The following ALPK2 variants were observed in gnomAD, a reference collection of about 807,000 sequenced individuals.
ALPK2 encodes the protein alpha-protein kinase 2.
In ALPK2, 127 loss-of-function variants were observed where a neutral mutation model predicts 163.1. The ratio of observed to expected loss-of-function variants is 0.78; its 90% CI spans 0.67 to 0.90. The LOEUF is 0.90. Ranked by LOEUF, ALPK2 falls within the 40% of genes least tolerant of loss-of-function variation. The pLI, the probability that ALPK2 is intolerant of heterozygous loss-of-function variation, is 0.00. For synonymous variants in ALPK2, 953 were observed against 959.1 expected (o/e 0.99, Z 0.12); for missense variants, 2,360 against 2,589.6 (o/e 0.91, Z 1.92).
At chr18:58,553,969 C>A (rs1050766871) in intron 4 of ALPK2, among the ~76,000 whole-genome samples, 1 of 146,928 alleles carries the variant, frequency 6.8e-6, no homozygotes, top group Non-Finnish European at 1.5e-5. Flanking sequence ...TCAAGCGATT[C>A]TCCTGCCTCA....
Position 58,481,925 on chromosome 18 carries a change from G to A in ALPK2, c.6411C>T (p.Asn2137=). ...CAATGCTCGGCTGCTTCTGTTTCTG[G>A]TTGTTGTTTTGAAGGGATTTCAGTC... The part of the protein sequence containing the change: ...MLGLKSLQNN[N]QKQKQPSIGK... The change falls in exon 13 of 13, where the codon AAC becomes AAT. Residue 2137 remains asparagine, a synonymous_variant. Transcript: ENST00000361673. 6.2e-7 allele frequency: 1 copy of A among 1,614,130 alleles called. No individual in the cohort carries two copies. Among genetic ancestry groups the A allele is most frequent in the Non-Finnish European group, 8.5e-7 (1 of 1,180,016 alleles).
intron 4 of ALPK2, chr18:58,543,289 A>G (rs2051700634): frequency 1.1e-6 from 1 of 881,052 alleles, no homozygotes; most frequent in Middle Eastern, 5.8e-4. Flanking sequence ...TTTCTTTATA[A>G]ATTTCCCAGT....
At chr18:58,582,841 C>T (rs964672895) in intron 3 of ALPK2, among the ~76,000 whole-genome samples, 16 of 152,064 alleles carry the variant, frequency 1.1e-4, no homozygotes, top group Admixed American at 7.2e-4. Context: ...CCAAGATTTT[C>T]TGATTGGTAA....
chr18:58,621,550 C>T (rs8093727), intron 1 of ALPK2, among the ~76,000 whole-genome samples: 12,611 of 152,126 alleles, frequency 0.083, 560 homozygotes, highest in South Asian at 0.11. Context: ...GGATTACAGG[C>T]GTGAGCCACT....
At chr18:58,495,111 C>T (rs964570947) in intron 12 of ALPK2, among the ~76,000 whole-genome samples, 1 of 152,164 alleles carries the variant, frequency 6.6e-6, no homozygotes, top group Non-Finnish European at 1.5e-5. Context: ...GGTTTCCACT[C>T]CAGAGGGGTT....
At chr18:58,506,886 C>T (rs752191598) in intron 10 of ALPK2, among the ~76,000 whole-genome samples, 19 of 152,150 alleles carry the variant, frequency 1.2e-4, no homozygotes, top group Non-Finnish European at 1.0e-4. Context: ...TAGTCCTTCC[C>T]GAATCCTGAT....
chr18:58,537,185 G>T lies in ALPK2; in HGVS notation c.3002C>A (p.Ala1001Glu), dbSNP rs773050045. 6.2e-7 allele frequency: 1 copy of T among 1,613,802 alleles called. No homozygotes were observed. The highest frequency in any genetic ancestry group is 8.5e-7 in the Non-Finnish European group (1 of 1,179,910). ...TGATGTGTCCTCAGTCTCCCTGGTC[G>T]CTTGAAAGCACTCATTATTAGCAGT... ...TLTANNECFQ[A>E]TRETEDTSTV... Residue 1001 changes from alanine to glutamate, a missense_variant, in exon 5 of 13, where the codon GCG becomes GAG. Physicochemically the swap from Ala to Glu is moderately radical, Grantham distance 107. Coordinates refer to ENST00000361673, the MANE Select transcript of ALPK2 (RefSeq NM_052947.4).
intron 4 of ALPK2, among the ~76,000 whole-genome samples, chr18:58,561,820 T>G: frequency 6.6e-6 from 1 of 152,156 alleles, no homozygotes; most frequent in Non-Finnish European, 1.5e-5. Context: ...TCTCAGGCTG[T>G]GGGAGCTGTC....
At chr18:58,573,844 C>T (rs565770189) in intron 4 of ALPK2, among the ~76,000 whole-genome samples, 28 of 151,936 alleles carry the variant, frequency 1.8e-4, no homozygotes, top group Non-Finnish European at 3.4e-4. Context: ...AGAAAAGCAA[C>T]TTGAAGCACC....
intron 12 of ALPK2, among the ~76,000 whole-genome samples, chr18:58,493,922 A>C (rs909227431): frequency 3.9e-5 from 6 of 152,192 alleles, no homozygotes; most frequent in Non-Finnish European, 7.3e-5. Flanking sequence ...TCAATCTGGC[A>C]ACAGGAAATT....
chr18:58,599,832 A>G, intron 3 of ALPK2, among the ~76,000 whole-genome samples: 1 of 152,138 alleles, frequency 6.6e-6, no homozygotes, highest in Non-Finnish European at 1.5e-5. Flanking sequence ...TACAGATGAG[A>G]AAACTGAGAC....
At position 58,536,705 on chromosome 18, in the gene ALPK2, G is replaced by C. The variant is rs2051650874; in HGVS notation, c.3482C>G (p.Ser1161Cys). The C allele has an allele frequency of 1.2e-6, 2 of 1,614,206 alleles. No individual in the cohort carries two copies. Among genetic ancestry groups the C allele is most frequent in the Non-Finnish European group, 1.7e-6 (2 of 1,180,026 alleles). Residue 1161 changes from serine (S) to cysteine (C), a missense_variant, in exon 5 of 13, where the codon TCT (serine) becomes TGT (cysteine). By Grantham distance (112) the Ser-to-Cys change is moderately radical. Transcript: ENST00000361673. ...CAAGTTTCTTTCCTCTTGTGCAGCA[G>C]ATGTCGTAGGCAAACTTTGTTGGAA... The part of the protein sequence containing the change: ...PDFQQSLPTT[S>C]AAQEERNLVP...
At chr18:58,598,151 G>A (rs923892760) in intron 3 of ALPK2, among the ~76,000 whole-genome samples, 9 of 152,342 alleles carry the variant, frequency 5.9e-5, no homozygotes, top group South Asian at 2.1e-4. Flanking sequence ...CACGGACCAC[G>A]CCCATTCTCA....
chr18:58,567,181 T>C (rs1484145547), intron 4 of ALPK2, among the ~76,000 whole-genome samples: 3 of 150,318 alleles, frequency 2.0e-5, no homozygotes, highest in South Asian at 2.1e-4. Context: ...AGGTCAGGAG[T>C]TCGAGACCAG....
intron 4 of ALPK2, among the ~76,000 whole-genome samples, chr18:58,555,787 A>C (rs1343010183): frequency 6.6e-6 from 1 of 152,128 alleles, no homozygotes; most frequent in African/African-American, 2.4e-5. Flanking sequence ...AGGCTCTGCT[A>C]CTTGTACATG....
chr18:58,627,586 T>C lies in ALPK2; in HGVS notation c.-21+1178A>G, dbSNP rs151104307. Among the ~76,000 whole-genome samples, 534 of 152,196 alleles carry C rather than the reference T, an allele frequency of 3.5e-3. 2 individuals carry two copies. Among genetic ancestry groups the C allele is most frequent in the African/African-American group, 0.012 (515 of 41,538 alleles). ...GTTGCAGTGAGCTGAGACTGAGACATTGTACTCCAGCCTGGGCAACAAGAG... is the reference window on the plus strand; with the variant it reads ...GTTGCAGTGAGCTGAGACTGAGACACTGTACTCCAGCCTGGGCAACAAGAG... On this transcript the variant is annotated intron_variant, in intron 1 of 12. Coordinates refer to ENST00000361673, the MANE Select transcript of ALPK2 (RefSeq NM_052947.4).
At chr18:58,543,728 TC>T (rs1428723904) in intron 4 of ALPK2, among the ~76,000 whole-genome samples, 4 of 152,122 alleles carry the variant, frequency 2.6e-5, no homozygotes, top group African/African-American at 9.7e-5. Context: ...AAGGGTGAAT[TC>T]AGAGCTGAGA....
intron 4 of ALPK2, among the ~76,000 whole-genome samples, chr18:58,573,824 G>A (rs1000857636): frequency 6.6e-6 from 1 of 151,908 alleles, no homozygotes; most frequent in Non-Finnish European, 1.5e-5. Context: ...AGAAATTGTA[G>A]TTAGGGATGA....
At chr18:58,556,131 G>A (rs2051789688) in intron 4 of ALPK2, among the ~76,000 whole-genome samples, 1 of 151,912 alleles carries the variant, frequency 6.6e-6, no homozygotes, top group Non-Finnish European at 1.5e-5. Flanking sequence ...CTTAAAAACT[G>A]TCTTTTAAAG....
Sources: allele counts gnomAD v4.1 joint callset (sites outside exome capture counted in the v4.1 genomes callset), GRCh38; gene constraint gnomAD v4.1.1; transcripts MANE v1.5; gene names NCBI Gene and HGNC (gene_info 2026-07-23, HGNC 2026-07-21).